Variants in KASH5 observed in about 807,000 individuals in gnomAD.
KASH5 encodes the protein protein KASH5.
In KASH5, 72 loss-of-function variants were observed where a neutral mutation model predicts 84.2. That is an observed-to-expected ratio of 0.85 (90% confidence interval 0.71 to 1.04). The LOEUF is 1.04. Among genes scored for constraint, KASH5 ranks in the 50% least tolerant of loss-of-function variants. The pLI, the probability that KASH5 is intolerant of heterozygous loss-of-function variation, is 0.00. For missense variants in KASH5, 650 were observed against 701.0 expected (o/e 0.93, Z 0.82); for synonymous variants, 260 against 279.1 (o/e 0.93, Z 0.68).
At chr19:49,405,956 CAAAAAAAAA>C (rs59895865) in intron 9 of KASH5, among the ~76,000 whole-genome samples, 1 of 67,832 alleles carries the variant, frequency 1.5e-5, no homozygotes, top group African/African-American at 5.8e-5. Flanking sequence ...AACTCCGTCT[CAAAAAAAAA>C]AAAAAAAAAA....
In KASH5 at chr19:49,399,883, G is replaced by C; in HGVS notation, c.798+376G>C. The C allele has an allele frequency of 3.7e-6, 1 of 267,532 alleles. No individual in the cohort carries two copies. The highest frequency in any genetic ancestry group is 7.2e-6 in the Non-Finnish European group (1 of 138,474). 16.6% of individuals were successfully genotyped at this position (267,532 alleles called of 1,614,324 possible). ...CTTGGGCACAAGGTAGGACACATAG[G>C]ATGTGCTCACTAAAAGTTATCTAGC... is the stretch of plus-strand genomic sequence containing the variant. On this transcript the variant is annotated intron_variant, in intron 9 of 19. Transcript: ENST00000447857. This position sits in a 1 kb window ranked among gnomAD's most constrained non-coding sequence, Gnocchi z 4.4.
chr19:49,395,386 G>C lies in KASH5; in HGVS notation c.335+94G>C. On this transcript the variant is annotated intron_variant, in intron 4 of 19. Transcript: ENST00000447857. The surrounding 1 kb of genome is among the most constrained non-coding windows in gnomAD (Gnocchi z 4.4). Reference sequence around the variant, plus strand: ...GGAGCCAGCATCCTTTAGGCCCAAGGACCTACTGTGTTTGGAATGAGGCTG... The same window carrying C: ...GGAGCCAGCATCCTTTAGGCCCAAGCACCTACTGTGTTTGGAATGAGGCTG... 1 of 1,330,024 alleles carries C rather than the reference G, an allele frequency of 7.5e-7. No individual in the cohort carries two copies. Among genetic ancestry groups the C allele is most frequent in the East Asian group, 2.3e-5 (1 of 43,382 alleles). 82.4% of individuals were successfully genotyped at this position (1,330,024 alleles called of 1,614,324 possible).
chr19:49,398,188 G>C, intron 7 of KASH5, 45 bp downstream of exon 7: 2 of 1,500,538 alleles, frequency 1.3e-6, no homozygotes, highest in South Asian at 2.7e-5. Flanking sequence ...CCCTGCCTCC[G>C]TCCTCCCTGC....
chr19:49,407,679 A>C lies in KASH5; in HGVS notation c.993+8A>C. ...TACAGAGTGACGACGCAGGTAACTC[A>C]GCGGCCCTCGCCACCCACCGCGGCC... is the stretch of plus-strand genomic sequence containing the variant. On this transcript the variant is annotated splice_region_variant and intron_variant, in intron 12 of 19. Coordinates refer to ENST00000447857, the MANE Select transcript of KASH5 (RefSeq NM_144688.5). 20 of 1,598,940 alleles carry C rather than the reference A, an allele frequency of 1.3e-5. No homozygotes were observed. The highest frequency in any genetic ancestry group is 1.7e-5 in the Non-Finnish European group (20 of 1,172,726).
chr19:49,405,625 T>C (rs1974500545), intron 9 of KASH5, among the ~76,000 whole-genome samples: 1 of 152,000 alleles, frequency 6.6e-6, no homozygotes. Flanking sequence ...TGAACTAATA[T>C]GATGCCTGCA....
chr19:49,395,065 C>G lies in KASH5; in HGVS notation c.149-41C>G. 6.5e-7 allele frequency: 1 copy of G among 1,529,096 alleles called. No individual in the cohort carries two copies. Among genetic ancestry groups the G allele is most frequent in the Non-Finnish European group, 8.8e-7 (1 of 1,138,244 alleles). 94.7% of individuals were successfully genotyped at this position (1,529,096 alleles called of 1,614,324 possible). A position where few individuals can be genotyped will look rare whatever the true frequency, so the allele number is the denominator to read the frequency against. ...TGCTGCCAGTCCATACCCATCACTC[C>G]CCACCTGCCCCAGACCCCCTCACTG... is the stretch of plus-strand genomic sequence containing the variant. On this transcript the variant is annotated intron_variant, in intron 3 of 19. Transcript: ENST00000447857. This position sits in a 1 kb window ranked among gnomAD's most constrained non-coding sequence, Gnocchi z 4.4.
rs8101446 is a variant in KASH5, at chr19:49,395,566, A to G, written c.336-203A>G. On this transcript the variant is annotated intron_variant, in intron 4 of 19. Transcript: ENST00000447857. The surrounding 1 kb of genome is among the most constrained non-coding windows in gnomAD (Gnocchi z 4.4). ...TGGGGCTGACAGAGGTCCCTCCCCAACCCTTCACCAAACCCACTCCTTGCC... is the reference window on the plus strand; with the variant it reads ...TGGGGCTGACAGAGGTCCCTCCCCAGCCCTTCACCAAACCCACTCCTTGCC... The G allele has an allele frequency of 1.3e-5, 8 of 631,880 alleles. No homozygotes were observed. The highest frequency in any genetic ancestry group is 5.6e-5 in the Admixed American group (2 of 35,870). The allele number at this position is 631,880 out of a possible 1,614,324, so 39.1% of individuals were successfully genotyped here. A position where few individuals can be genotyped will look rare whatever the true frequency, so the allele number is the denominator to read the frequency against.
intron 9 of KASH5, among the ~76,000 whole-genome samples, chr19:49,405,973 A>AT (rs1974512685): frequency 6.6e-6 from 1 of 151,126 alleles, no homozygotes; most frequent in South Asian, 2.1e-4. Flanking sequence ...AAAAAAAAAA[A>AT]AAAAATTAGC....
At chr19:49,404,578 C>T (rs34825686) in intron 9 of KASH5, among the ~76,000 whole-genome samples, 34,599 of 152,090 alleles carry the variant, frequency 0.23, 4,110 homozygotes, top group Non-Finnish European at 0.25. Flanking sequence ...CTGCATCCAT[C>T]GCCACCTCTA....
chr19:49,389,168 G>A (rs1382332634), intron 1 of KASH5, among the ~76,000 whole-genome samples: 3 of 100,048 alleles, frequency 3.0e-5, no homozygotes, highest in Non-Finnish European at 5.4e-5. Flanking sequence ...CAGAGACCCC[G>A]AATAAATCAA....
Position 49,390,674 on chromosome 19 carries a change from C to T in KASH5, c.-95-115C>T, listed in dbSNP as rs561572172. On this transcript the variant is annotated intron_variant, in intron 1 of 19. Transcript: ENST00000447857. ...CAGAGCGGAGCTGCTCAGGTCACAGCGGGGGTGACAAACAGGTTGTGAGGA... is the reference window on the plus strand; with the variant it reads ...CAGAGCGGAGCTGCTCAGGTCACAGTGGGGGTGACAAACAGGTTGTGAGGA... 5.6e-4 allele frequency: 300 copies of T among 536,180 alleles called. 1 individual carries two copies. The highest frequency in any genetic ancestry group is 1.2e-3 in the Admixed American group (31 of 26,264). The allele number at this position is 536,180 out of a possible 1,614,324, so 33.2% of individuals were successfully genotyped here. A position where few individuals can be genotyped will look rare whatever the true frequency, so the allele number is the denominator to read the frequency against.
chr19:49,400,368 CT>C (rs762991520), intron 9 of KASH5, among the ~76,000 whole-genome samples: 28 of 100,952 alleles, frequency 2.8e-4, no homozygotes, highest in Admixed American at 6.8e-4. Flanking sequence ...TTTTTTTTTT[CT>C]TTTTTTTTTT....
In KASH5 at chr19:49,417,810, T is replaced by C. The variant is rs569550033; in HGVS notation, c.*300T>C. On this transcript the variant is annotated 3_prime_UTR_variant, in exon 20 of 20. Transcript: ENST00000447857. This position sits in a 1 kb window ranked among gnomAD's most constrained non-coding sequence, Gnocchi z 5.2. ...TCTCGGTTGCCTTGGGGTCAGGGCCTCAGTGATTCTCCTGTCCCCTCCCTC... is the reference window on the plus strand; with the variant it reads ...TCTCGGTTGCCTTGGGGTCAGGGCCCCAGTGATTCTCCTGTCCCCTCCCTC... 19 of 333,382 alleles carry C rather than the reference T, an allele frequency of 5.7e-5. No individual in the cohort carries two copies. Among genetic ancestry groups the C allele is most frequent in the Non-Finnish European group, 9.2e-5 (17 of 184,536 alleles). The allele number at this position is 333,382 out of a possible 1,614,324, so 20.7% of individuals were successfully genotyped here. A position where few individuals can be genotyped will look rare whatever the true frequency, so the allele number is the denominator to read the frequency against.
Position 49,409,745 on chromosome 19 carries a change from T to C in KASH5, c.1147-8T>C. The C allele has an allele frequency of 6.2e-7, 1 of 1,613,858 alleles. No homozygotes were observed. The highest frequency in any genetic ancestry group is 8.5e-7 in the Non-Finnish European group (1 of 1,179,770). Reference sequence around the variant, plus strand: ...TCTCCCTGACCTCGGAAACAACTTCTGTCCCAGAAACAGGAAGTGGCAACT... The same window carrying C: ...TCTCCCTGACCTCGGAAACAACTTCCGTCCCAGAAACAGGAAGTGGCAACT... On this transcript the variant is annotated splice_polypyrimidine_tract_variant and splice_region_variant and intron_variant, in intron 14 of 19. Coordinates refer to ENST00000447857, the MANE Select transcript of KASH5 (RefSeq NM_144688.5).
intron 9 of KASH5, among the ~76,000 whole-genome samples, chr19:49,402,779 C>T (rs1312022043): frequency 6.6e-6 from 1 of 152,176 alleles, no homozygotes; most frequent in Non-Finnish European, 1.5e-5. Context: ...CAGTTCATTG[C>T]CATTCAGCCA....
intron 2 of KASH5, among the ~76,000 whole-genome samples, chr19:49,391,999 CACCAGGGTGTGGGA>C (rs1285184788): frequency 6.6e-6 from 1 of 152,194 alleles, no homozygotes; most frequent in Non-Finnish European, 1.5e-5. Flanking sequence ...CAGAGGTAGA[CACCAGGGTGTGGGA>C]ACCAGAGGAC....
chr19:49,390,720 G>A, intron 1 of KASH5, 69 bp from the exon 2 acceptor site: 1 of 684,432 alleles, frequency 1.5e-6, no homozygotes, highest in Non-Finnish European at 2.3e-6. Context: ...CTGGGGCACA[G>A]GTGGGGCTAG....
In KASH5 at chr19:49,395,056, C is replaced by T; in HGVS notation, c.149-50C>T. ...GTCCCAAGCTGCTGCCAGTCCATACCCATCACTCCCCACCTGCCCCAGACC... is the reference window on the plus strand; with the variant it reads ...GTCCCAAGCTGCTGCCAGTCCATACTCATCACTCCCCACCTGCCCCAGACC... On this transcript the variant is annotated intron_variant, in intron 3 of 19. Transcript: ENST00000447857. The surrounding 1 kb of genome is among the most constrained non-coding windows in gnomAD (Gnocchi z 4.4). 6.9e-7 allele frequency: 1 copy of T among 1,454,554 alleles called. No individual in the cohort carries two copies. Among genetic ancestry groups the T allele is most frequent in the Non-Finnish European group, 9.3e-7 (1 of 1,080,826 alleles). 90.1% of individuals were successfully genotyped at this position (1,454,554 alleles called of 1,614,324 possible).
In KASH5 at chr19:49,414,182, G is replaced by A. The variant is rs1230594875; in HGVS notation, c.1329-769G>A. ...CAGGAGCCAGATCTCCTCCTAGACC[G>A]AGACTCGCTGAGGGAAGGGTCAGGT... On this transcript the variant is annotated intron_variant, in intron 16 of 19. Coordinates refer to ENST00000447857, the MANE Select transcript of KASH5 (RefSeq NM_144688.5). This position sits in a 1 kb window ranked among gnomAD's most constrained non-coding sequence, Gnocchi z 4.5. 3.9e-5 allele frequency among the ~76,000 whole-genome samples: 6 copies of A among 152,090 alleles called. No individual in the cohort carries two copies. Among genetic ancestry groups the A allele is most frequent in the East Asian group, 1.9e-4 (1 of 5,180 alleles).
Sources: gnomAD v4.1 joint callset for allele counts (sites outside exome capture counted in the v4.1 genomes callset) on GRCh38, gnomAD v4.1.1 for gene constraint, Gnocchi (gnomAD v3.1) non-coding constraint, MANE v1.5 for transcripts, NCBI Gene and HGNC (gene_info 2026-07-23, HGNC 2026-07-21) for gene names.